DNAH2: variants seen among roughly 807,000 people sequenced by gnomAD.
DNAH2 encodes the protein axonemal beta dynein heavy chain 2.
A neutral mutation model predicts 523.5 loss-of-function variants in DNAH2; 323 were observed. The ratio of observed to expected loss-of-function variants is 0.62; its 90% CI spans 0.56 to 0.68. DNAH2 has a LOEUF of 0.68. DNAH2 is among the 30% of genes least tolerant of loss of function. The probability of loss-of-function intolerance (pLI) is 0.00; values close to 1 mark genes in which losing one functional copy is unlikely to be tolerated. For synonymous variants in DNAH2, 2,093 were observed against 2,177.4 expected, an observed-to-expected ratio of 0.96 and a Z score of 1.08; for missense variants, 4,907 against 5,701.5, an observed-to-expected ratio of 0.86 and a Z score of 4.49.
At position 7,780,518 on chromosome 17, in the gene DNAH2, T is replaced by C. The variant is rs1217537586; in HGVS notation, c.5851-112T>C. 3 of 1,501,712 alleles carry C rather than the reference T, an allele frequency of 2.0e-6. No homozygotes were observed. Among genetic ancestry groups the C allele is most frequent in the Non-Finnish European group, 2.7e-6 (3 of 1,103,396 alleles). The allele number at this position is 1,501,712 out of a possible 1,614,324, so 93.0% of individuals were successfully genotyped here. On this transcript the variant is annotated intron_variant, in intron 37 of 85. Coordinates refer to ENST00000572933, the MANE Select transcript of DNAH2 (RefSeq NM_020877.5). The surrounding 1 kb of genome is among the most constrained non-coding windows in gnomAD (Gnocchi z 4.4). ...TCCTCAGGAGAATCCATAGAGTGCC[T>C]CCTAGCTGCTTCATGTCCTGGGACC... is the stretch of plus-strand genomic sequence containing the variant.
At chr17:7,721,004 C>CTTTCT (rs1344540224) in intron 2 of DNAH2, among the ~76,000 whole-genome samples, 1 of 109,730 alleles carries the variant, frequency 9.1e-6, no homozygotes, top group African/African-American at 3.3e-5. Context: ...TTCTTTCTTT[C>CTTTCT]TTTTTTTTTT....
At chr17:7,747,688 C>T (rs1284911592) in intron 12 of DNAH2, among the ~76,000 whole-genome samples, 1 of 152,124 alleles carries the variant, frequency 6.6e-6, no homozygotes, top group Non-Finnish European at 1.5e-5. Context: ...TATCTGAAAT[C>T]CAAATAATGG....
chr17:7,775,948 A>G (rs2076440081), intron 30 of DNAH2, 76 bp from the exon 31 acceptor site: 4 of 1,583,552 alleles, frequency 2.5e-6, no homozygotes, highest in Non-Finnish European at 2.6e-6. Context: ...GTGCTGCTCC[A>G]TAAGTGCCTT....
At chr17:7,775,873 T>C (rs1044365629) in intron 30 of DNAH2, 151 bp from the exon 31 acceptor site, 10 of 1,043,886 alleles carry the variant, frequency 9.6e-6, no homozygotes, top group Non-Finnish European at 1.1e-5. Context: ...CTAGCCTCCA[T>C]TTCTCTCAGG....
chr17:7,824,662 C>T lies in DNAH2; in HGVS notation c.11788C>T (p.Pro3930Ser), dbSNP rs1400267543. ...PSFRLWLSSIPHPDFPISILQ... is the reference protein window; with the variant it reads ...PSFRLWLSSISHPDFPISILQ... ...CTTCCGCCTCTGGCTCAGCTCCATCCCCCACCCAGACTTCCCTATCTCAAT... is the reference window on the plus strand; with the variant it reads ...CTTCCGCCTCTGGCTCAGCTCCATCTCCCACCCAGACTTCCCTATCTCAAT... The change falls in exon 77 of 86, where the codon CCC becomes TCC. Residue 3930 changes from proline (P) to serine (S), a missense_variant. Transcript: ENST00000572933. The T allele has an allele frequency of 8.7e-6, 14 of 1,607,422 alleles. No individual in the cohort carries two copies. The highest frequency in any genetic ancestry group is 1.1e-5 in the South Asian group (1 of 90,416).
At position 7,787,849 on chromosome 17, in the gene DNAH2, T is replaced by A. The variant is rs770261869; in HGVS notation, c.6604-11T>A. ...GAGAAAGATGAAGTTCTGACAAACG[T>A]ATATCCTTAGGTGTCTCTCCTGTTT... On this transcript the variant is annotated splice_polypyrimidine_tract_variant and intron_variant, in intron 42 of 85. Coordinates refer to ENST00000572933, the MANE Select transcript of DNAH2 (RefSeq NM_020877.5). The A allele has an allele frequency of 1.6e-5, 26 of 1,605,380 alleles. No individual in the cohort carries two copies. The South Asian group carries it at 2.7e-4, about 16-fold the overall frequency.
In DNAH2 at chr17:7,818,554, G is replaced by A. The variant is rs923505695; in HGVS notation, c.10537-89G>A. ...GGATAAGCTTGTGTTGGGCAGCTGA[G>A]GATGAGGGGTCTTTCAAGGTGGAAA... is the stretch of plus-strand genomic sequence containing the variant. On this transcript the variant is annotated intron_variant, in intron 69 of 85. Coordinates refer to ENST00000572933, the MANE Select transcript of DNAH2 (RefSeq NM_020877.5). 7.5e-6 allele frequency: 12 copies of A among 1,602,018 alleles called. No homozygotes were observed. In the African/African-American group the frequency reaches 1.3e-4, roughly 18 times the overall value.
At position 7,734,212 on chromosome 17, in the gene DNAH2, G is replaced by A. The variant is rs1321996814; in HGVS notation, c.658G>A (p.Val220Ile). Residue 220 changes from valine (V) to isoleucine (I), a missense_variant, in exon 6 of 86, where the codon GTC becomes ATC. Val to Ile is a conservative substitution (Grantham distance 29). Coordinates refer to ENST00000572933, the MANE Select transcript of DNAH2 (RefSeq NM_020877.5). The part of the protein sequence containing the change: ...DTRYKLEGHT[V>I]LYIPAEAMNM... ...TCGGTACAAACTGGAGGGGCACACG[G>A]TCCTCTACATCCCTGCAGAGGCCAT... is the stretch of plus-strand genomic sequence containing the variant. 1 of 1,603,096 alleles carries A rather than the reference G, an allele frequency of 6.2e-7. No homozygotes were observed. The highest frequency in any genetic ancestry group is 8.5e-7 in the Non-Finnish European group (1 of 1,174,530).
rs267605086 is a variant in DNAH2, at chr17:7,770,872, C to T, written c.4301C>T (p.Ser1434Phe). The part of the protein sequence containing the change: ...KDVDHWERCL[S>F]LILEVIEMIL... ...GTGGACCACTGGGAACGCTGCCTCT[C>T]CCTCATTTTGGAGGTTATTGAGATG... The change falls in exon 27 of 86, where the codon TCC becomes TTC. Residue 1434 changes from serine to phenylalanine, a missense_variant. Transcript: ENST00000572933. The T allele has an allele frequency of 7.4e-6, 12 of 1,614,176 alleles. No individual in the cohort carries two copies. Among genetic ancestry groups the T allele is most frequent in the East Asian group, 2.2e-5 (1 of 44,886 alleles).
rs1185919528 is a variant in DNAH2 at position 7,760,551 on chromosome 17, A to G, written c.2786-189A>G. On this transcript the variant is annotated intron_variant, in intron 17 of 85. Coordinates refer to ENST00000572933, the MANE Select transcript of DNAH2 (RefSeq NM_020877.5). The surrounding 1 kb of genome is among the most constrained non-coding windows in gnomAD (Gnocchi z 4.0). The stretch of plus-strand genomic sequence containing the variant: ...ACCAACAGACAAGACATCACATCCT[A>G]TGAAGGAGACACTAAGAGTCACATT... 6.6e-6 allele frequency among the ~76,000 whole-genome samples: 1 copy of G among 152,126 alleles called. No individual in the cohort carries two copies. Among genetic ancestry groups the G allele is most frequent in the Non-Finnish European group, 1.5e-5 (1 of 68,018 alleles).
At chr17:7,728,226 T>C (rs550181024) in intron 4 of DNAH2, among the ~76,000 whole-genome samples, 2 of 152,302 alleles carry the variant, frequency 1.3e-5, no homozygotes, top group South Asian at 4.1e-4. Flanking sequence ...TAGTAAAATG[T>C]TGCTGGTAGA....
intron 32 of DNAH2, 73 bp from the exon 33 acceptor site, chr17:7,777,373 G>T: frequency 6.4e-7 from 1 of 1,556,852 alleles, no homozygotes; most frequent in Non-Finnish European, 8.8e-7. Flanking sequence ...GCGGTGCTGG[G>T]TAGGGGCAAG....
chr17:7,781,577 A>G (rs371877449), intron 39 of DNAH2, among the ~76,000 whole-genome samples: 2 of 152,242 alleles, frequency 1.3e-5, no homozygotes, highest in East Asian at 1.9e-4. Context: ...TTGTTCTGCC[A>G]TCTACTAGCT....
chr17:7,777,994 C>A, intron 33 of DNAH2, 83 bp from the exon 34 acceptor site: 8 of 1,302,122 alleles, frequency 6.1e-6, no homozygotes, highest in Non-Finnish European at 7.7e-6. Context: ...CCTGACAACT[C>A]TGAGCCCCAC....
intron 15 of DNAH2, 62 bp from the exon 16 acceptor site, chr17:7,759,360 C>A: frequency 6.5e-7 from 1 of 1,547,966 alleles, no homozygotes; most frequent in Non-Finnish European, 8.7e-7. Flanking sequence ...CTGGTTCTCA[C>A]TTCCCAGGAT....
At position 7,725,426 on chromosome 17, in the gene DNAH2, A is replaced by ATATATATATATATATATATATATATATG. The variant is rs1249740080; in HGVS notation, c.229-1681_229-1680insATATATATATATGTATATATATATATAT. 5.6e-3 allele frequency among the ~76,000 whole-genome samples: 135 copies of ATATATATATATATATATATATATATATG among 24,214 alleles called. 4 individuals carry two copies. The highest frequency in any genetic ancestry group is 2.0e-3 in the Non-Finnish European group (18 of 9,078). 15.9% of individuals were successfully genotyped at this position (24,214 alleles called of 152,430 possible). A position where few individuals can be genotyped will look rare whatever the true frequency, so the allele number is the denominator to read the frequency against. On this transcript the variant is annotated intron_variant, in intron 3 of 85. Transcript: ENST00000572933. ...TTTATTTGTATTTGACTTCAAGTGA[A>ATATATATATATATATATATATATATATG]TATATATATATATATTTTCTTTTTG...
intron 56 of DNAH2, among the ~76,000 whole-genome samples, chr17:7,801,122 C>A (rs926636678): frequency 9.2e-5 from 14 of 151,998 alleles, no homozygotes; most frequent in Non-Finnish European, 2.1e-4. Flanking sequence ...AGCCACCTGC[C>A]TTGGCCTCCC....
chr17:7,757,306 C>G, intron 13 of DNAH2, 69 bp downstream of exon 13: 1 of 1,535,988 alleles, frequency 6.5e-7, no homozygotes, highest in Non-Finnish European at 8.8e-7. Flanking sequence ...CTTATCTGCC[C>G]TGTAATGTTG....
intron 12 of DNAH2, among the ~76,000 whole-genome samples, chr17:7,755,980 T>C (rs1896688227): frequency 6.6e-6 from 1 of 151,990 alleles, no homozygotes; most frequent in Non-Finnish European, 1.5e-5. Context: ...CTCATGCCTG[T>C]AATCCCAGCA....
Sources: allele counts gnomAD v4.1 joint callset (sites outside exome capture counted in the v4.1 genomes callset), GRCh38; gene constraint gnomAD v4.1.1; non-coding constraint Gnocchi (gnomAD v3.1); transcripts MANE v1.5; gene names NCBI Gene and HGNC (gene_info 2026-07-23, HGNC 2026-07-21).